The following MGAT4B variants were observed in gnomAD, a reference collection of about 807,000 sequenced individuals.
MGAT4B encodes alpha-1,3-mannosyl-glycoprotein 4-beta-N-acetylglucosaminyltransferase B.
Under a neutral mutation model 73.9 loss-of-function variants are expected in MGAT4B, and 38 were observed. That is an observed-to-expected ratio of 0.51 (90% CI 0.40 to 0.67). The LOEUF (loss-of-function observed/expected upper bound fraction) is 0.67. MGAT4B is among the 30% of genes least tolerant of loss of function. MGAT4B has a pLI of 0.00. For synonymous variants in MGAT4B, 373 were observed against 313.5 expected (o/e 1.19, Z -2.01); for missense variants, 686 against 735.2 (o/e 0.93, Z 0.77).
Position 179,798,088 on chromosome 5 carries a change from G to A in MGAT4B, c.1624-20C>T. On this transcript the variant is annotated intron_variant, in intron 14 of 14. Transcript: ENST00000292591. ...GAAGATCTGGAAGAGCCGGACCCAG[G>A]GTCAGCAGGGCCTCTGAGCTCCGCC... The A allele has an allele frequency of 6.2e-7, 1 of 1,608,034 alleles. No homozygotes were observed. The highest frequency in any genetic ancestry group is 8.5e-7 in the Non-Finnish European group (1 of 1,177,820).
intron 6 of MGAT4B, 35 bp downstream of exon 6, chr5:179,800,449 G>A (rs1756864406): frequency 2.7e-6 from 4 of 1,485,750 alleles, no homozygotes; most frequent in Non-Finnish European, 3.7e-6. Flanking sequence ...GCACAGGCAG[G>A]CGGGTTGCTG....
chr5:179,803,366 G>T, intron 1 of MGAT4B: 1 of 739,564 alleles, frequency 1.4e-6, no homozygotes, highest in Non-Finnish European at 1.7e-6. Flanking sequence ...CGGTTACCCT[G>T]GAAACCTAAC....
intron 1 of MGAT4B, chr5:179,804,837 T>C (rs935487649): frequency 6.6e-6 from 1 of 152,212 alleles, no homozygotes; most frequent in Admixed American, 6.5e-5. Context: ...GAGCCCAGAT[T>C]CCCAGCTTCT....
chr5:179,800,749 G>A (rs1756883109), intron 5 of MGAT4B, 152 bp from the exon 6 acceptor site: 1 of 1,010,806 alleles, frequency 9.9e-7, no homozygotes, highest in Admixed American at 2.4e-5. Flanking sequence ...GCTCCAGAGG[G>A]GCTGGGCCAC....
Position 179,806,510 on chromosome 5 carries a change from T to C in MGAT4B, c.74A>G (p.Tyr25Cys). Residue 25 changes from tyrosine to cysteine, a missense_variant, in exon 1 of 15, where the codon TAC becomes TGC. Transcript: ENST00000292591. This position sits in a 1 kb window ranked among gnomAD's most constrained non-coding sequence, Gnocchi z 4.6. ...ACCTTTCTGGCCGCTGAGTGCCGCG[T>C]ACCAGGACAGCGAGAGGAAGGCGCA... ...CLCAFLSLSW[Y>C]AALSGQKGDV... is the part of the protein sequence containing the mutation. 3 of 1,328,408 alleles carry C rather than the reference T, an allele frequency of 2.3e-6. No homozygotes were observed. Among genetic ancestry groups the C allele is most frequent in the Non-Finnish European group, 3.0e-6 (3 of 1,014,100 alleles). The allele number at this position is 1,328,408 out of a possible 1,614,324, so 82.3% of individuals were successfully genotyped here.
chr5:179,800,320 G>A lies in MGAT4B; in HGVS notation c.720-61C>T. ...CCTCCACCTCCATTGTGGCTCCGCA[G>A]AGAAGCCGCTGGGTGGGCAGCTTCT... On this transcript the variant is annotated intron_variant, in intron 6 of 14. Transcript: ENST00000292591. 25 of 1,589,056 alleles carry A rather than the reference G, an allele frequency of 1.6e-5. No individual in the cohort carries two copies. The South Asian group carries it at 2.4e-4, about 15-fold the overall frequency.
Position 179,801,753 on chromosome 5 carries a change from C to T in MGAT4B, c.283+31G>A, listed in dbSNP as rs1386462055. 20 of 1,569,550 alleles carry T rather than the reference C, an allele frequency of 1.3e-5. No homozygotes were observed. Among genetic ancestry groups the T allele is most frequent in the Non-Finnish European group, 1.6e-5 (19 of 1,155,764 alleles). ...AGGGAACCTACAACCAGCCCGCCCCCGCCTTTTCCCCCTCCCGCCCCAGAC... is the reference window on the plus strand; with the variant it reads ...AGGGAACCTACAACCAGCCCGCCCCTGCCTTTTCCCCCTCCCGCCCCAGAC... On this transcript the variant is annotated intron_variant, in intron 2 of 14. Coordinates refer to ENST00000292591, the MANE Select transcript of MGAT4B (RefSeq NM_014275.5). This position sits in a 1 kb window ranked among gnomAD's most constrained non-coding sequence, Gnocchi z 4.8.
At position 179,798,204 on chromosome 5, in the gene MGAT4B, C is replaced by T. The variant is rs780215914; in HGVS notation, c.1584G>A (p.Ser528=). The part of the protein sequence containing the change: ...AFGPLEALRL[S]IQTDSPVWVI... ...CCCACACAGGGGAGTCCGTCTGGATCGAGAGGCGCAGTGCTTCCAGAGGGC... is the reference window on the plus strand; with the variant it reads ...CCCACACAGGGGAGTCCGTCTGGATTGAGAGGCGCAGTGCTTCCAGAGGGC... Residue 528 remains serine, a synonymous_variant, in exon 14 of 15, where the codon TCG becomes TCA. Coordinates refer to ENST00000292591, the MANE Select transcript of MGAT4B (RefSeq NM_014275.5). 2.8e-5 allele frequency: 45 copies of T among 1,599,516 alleles called. No individual in the cohort carries two copies. Among genetic ancestry groups the T allele is most frequent in the Middle Eastern group, 1.6e-4 (1 of 6,064 alleles).
intron 9 of MGAT4B, 27 bp from the exon 10 acceptor site, chr5:179,799,337 G>A: frequency 1.2e-6 from 2 of 1,609,720 alleles, no homozygotes; most frequent in African/African-American, 1.3e-5. Context: ...ACACCCCAGG[G>A]CTCGGCTTAG....
chr5:179,802,641 G>T (rs142066681), intron 1 of MGAT4B: 16,234 of 987,314 alleles, frequency 0.016, 148 homozygotes, highest in Non-Finnish European at 0.018. Context: ...GGGGCACCCT[G>T]AAGGGTCCGC....
At position 179,801,584 on chromosome 5, in the gene MGAT4B, C is replaced by T. The variant is rs375824348; in HGVS notation, c.394G>A (p.Ala132Thr). The T allele has an allele frequency of 1.2e-5, 19 of 1,607,430 alleles. No individual in the cohort carries two copies. Among genetic ancestry groups the T allele is most frequent in the South Asian group, 2.2e-5 (2 of 90,182 alleles). Residue 132 changes from alanine to threonine, a missense_variant, in exon 3 of 15, where the codon GCG becomes ACG. Physicochemically the swap from Ala to Thr is moderately conservative, Grantham distance 58. Coordinates refer to ENST00000292591, the MANE Select transcript of MGAT4B (RefSeq NM_014275.5). The surrounding 1 kb of genome is among the most constrained non-coding windows in gnomAD (Gnocchi z 4.8). ...GTGCGGCCCTGGCCCACGCGCACCG[C>T]GGGCTGCAGACTGCTCTCCTTGGCC... is the stretch of plus-strand genomic sequence containing the variant. ...LLAKESSLQP[A>T]VRVGQGRTGV...
At position 179,801,584 on chromosome 5, in the gene MGAT4B, C is replaced by A. The variant is rs375824348; in HGVS notation, c.394G>T (p.Ala132Ser). The change falls in exon 3 of 15, where the codon GCG (alanine) becomes TCG (serine). Residue 132 changes from alanine to serine, a missense_variant. Transcript: ENST00000292591. This position sits in a 1 kb window ranked among gnomAD's most constrained non-coding sequence, Gnocchi z 4.8. Reference sequence around the variant, plus strand: ...GTGCGGCCCTGGCCCACGCGCACCGCGGGCTGCAGACTGCTCTCCTTGGCC... The same window carrying A: ...GTGCGGCCCTGGCCCACGCGCACCGAGGGCTGCAGACTGCTCTCCTTGGCC... ...LLAKESSLQP[A>S]VRVGQGRTGV... 6.2e-7 allele frequency: 1 copy of A among 1,607,430 alleles called. No homozygotes were observed. Among genetic ancestry groups the A allele is most frequent in the Non-Finnish European group, 8.5e-7 (1 of 1,177,932 alleles).
intron 5 of MGAT4B, 65 bp downstream of exon 5, chr5:179,800,842 C>G: frequency 6.4e-7 from 1 of 1,562,670 alleles, no homozygotes; most frequent in Non-Finnish European, 8.8e-7. Context: ...AGGCAGGAAC[C>G]TGCCAGCACA....
At chr5:179,802,119 G>A (rs771850507) in intron 1 of MGAT4B, 150 bp from the exon 2 acceptor site, 1 of 1,539,968 alleles carries the variant, frequency 6.5e-7, no homozygotes, top group South Asian at 1.2e-5. Flanking sequence ...CATAGCTGGG[G>A]TCACTCTAAA....
At chr5:179,798,737 G>A (rs1175185332) in intron 11 of MGAT4B, 146 bp from the exon 12 acceptor site, 3 of 1,105,004 alleles carry the variant, frequency 2.7e-6, no homozygotes, top group African/African-American at 3.1e-5. Context: ...CTTCCTCTGG[G>A]AGGATGGTGA....
rs1756963700 is a variant in MGAT4B at position 179,801,934 on chromosome 5, C to T, written c.133G>A (p.Ala45Thr). ...VVDVYQREFL[A>T]LRDRLHAAEQ... ...GCTGCGTGCAACCGATCGCGCAGCG[C>T]CAGGAACTCCCGCTGGTAAACGTCC... Residue 45 changes from alanine to threonine, a missense_variant, in exon 2 of 15, where the codon GCG becomes ACG. Ala to Thr is a moderately conservative substitution (Grantham distance 58, BLOSUM62 0). Transcript: ENST00000292591. The surrounding 1 kb of genome is among the most constrained non-coding windows in gnomAD (Gnocchi z 4.8). 5.0e-6 allele frequency: 8 copies of T among 1,613,262 alleles called. No homozygotes were observed. In the African/African-American group the frequency reaches 5.3e-5, roughly 11 times the overall value.
At chr5:179,800,347 TC>T (rs1562611936) in intron 6 of MGAT4B, 88 bp from the exon 7 acceptor site, 4 of 1,508,796 alleles carry the variant, frequency 2.7e-6, no homozygotes, top group Non-Finnish European at 3.7e-6. Context: ...GCAGCTTCTG[TC>T]CCCCCACCCC....
rs917239218 is a variant in MGAT4B at position 179,798,512 on chromosome 5, C to A, written c.1422+1G>T. ...GTGCACACCACACCCACCGAACTTACGTCGAAGGGCAGCACCTCCACAGAC... is the reference window on the plus strand; with the variant it reads ...GTGCACACCACACCCACCGAACTTAAGTCGAAGGGCAGCACCTCCACAGAC... On this transcript the variant is annotated splice_donor_variant, in intron 12 of 14. Coordinates refer to ENST00000292591, the MANE Select transcript of MGAT4B (RefSeq NM_014275.5). LOFTEE classifies it high-confidence loss of function. 2 of 1,613,512 alleles carry A rather than the reference C, an allele frequency of 1.2e-6. No individual in the cohort carries two copies. The highest frequency in any genetic ancestry group is 1.7e-6 in the Non-Finnish European group (2 of 1,180,016).
chr5:179,802,787 A>C lies in MGAT4B; in HGVS notation c.98-818T>G, dbSNP rs573446444. 4.1e-6 allele frequency: 4 copies of C among 985,598 alleles called. No homozygotes were observed. In the African/African-American group the frequency reaches 7.0e-5, roughly 17 times the overall value. 61.1% of individuals were successfully genotyped at this position (985,598 alleles called of 1,614,324 possible). Reference sequence around the variant, plus strand: ...CCAGTCTGGCAGGGACCAGTGAGCAAGAATGAGATCAACAACCTCCTGGTG... The same window carrying C: ...CCAGTCTGGCAGGGACCAGTGAGCACGAATGAGATCAACAACCTCCTGGTG... On this transcript the variant is annotated intron_variant, in intron 1 of 14. Transcript: ENST00000292591.
Sources: allele counts gnomAD v4.1 joint callset, GRCh38; gene constraint gnomAD v4.1.1; non-coding constraint Gnocchi (gnomAD v3.1); transcripts MANE v1.5; gene names NCBI Gene and HGNC (gene_info 2026-07-23, HGNC 2026-07-21).